The following ARHGAP19 variants were observed in gnomAD, a reference collection of about 807,000 sequenced individuals.
ARHGAP19 encodes the protein rho GTPase-activating protein 19.
ARHGAP19 carries 48 observed loss-of-function variants against 60.9 expected under a neutral mutation model. The ratio of observed to expected loss-of-function variants is 0.79; its 90% CI spans 0.62 to 1.00. The LOEUF is 1.00. Ranked by LOEUF, ARHGAP19 falls within the 50% of genes least tolerant of loss-of-function variation. ARHGAP19 has a pLI of 0.00. For missense variants in ARHGAP19, 562 were observed against 597.2 expected (o/e 0.94, Z 0.61); for synonymous variants, 209 against 215.5 (o/e 0.97, Z 0.27).
chr10:97,262,340 T>C (rs1394609600), intron 4 of ARHGAP19, among the ~76,000 whole-genome samples: 1 of 152,102 alleles, frequency 6.6e-6, no homozygotes, highest in African/African-American at 2.4e-5. Flanking sequence ...TATGTGTTTC[T>C]ATTCAGAAAA....
intron 5 of ARHGAP19, among the ~76,000 whole-genome samples, chr10:97,258,082 T>G (rs531634872): frequency 6.6e-6 from 1 of 152,178 alleles, no homozygotes; most frequent in East Asian, 1.9e-4. Flanking sequence ...ATTATTTTGA[T>G]TAAAGTTTCA....
At chr10:97,289,321 C>G (rs975259699) in intron 1 of ARHGAP19, among the ~76,000 whole-genome samples, 1 of 151,740 alleles carries the variant, frequency 6.6e-6, no homozygotes, top group Non-Finnish European at 1.5e-5. Context: ...TCACTGTGTT[C>G]CCCAGGCTGA....
intron 1 of ARHGAP19, among the ~76,000 whole-genome samples, chr10:97,282,843 T>C (rs986584919): frequency 1.5e-5 from 2 of 131,768 alleles, no homozygotes; most frequent in African/African-American, 5.3e-5. Context: ...TTTTTTCTTT[T>C]TTTTTTTTTT....
At position 97,246,291 on chromosome 10, in the gene ARHGAP19, G is replaced by A. The variant is rs775650464; in HGVS notation, c.974C>T (p.Ser325Phe). The change falls in exon 7 of 12, where the codon TCC becomes TTC. Residue 325 changes from serine (S) to phenylalanine (F), a missense_variant. Physicochemically the swap from Ser to Phe is radical, Grantham distance 155 (BLOSUM62 -2). Coordinates refer to ENST00000358531, the MANE Select transcript of ARHGAP19 (RefSeq NM_032900.6). Reference sequence around the variant, plus strand: ...TCTTACCTTTGATGCCTGAGTTCTGGATCCCAAATAGTGCAATCTCGCACA... The same window carrying A: ...TCTTACCTTTGATGCCTGAGTTCTGAATCCCAAATAGTGCAATCTCGCACA... ...RECARLHYLG[S>F]RTQASKDDLD... The A allele has an allele frequency of 1.2e-6, 2 of 1,613,754 alleles. No homozygotes were observed. Among genetic ancestry groups the A allele is most frequent in the Non-Finnish European group, 8.5e-7 (1 of 1,179,882 alleles).
At chr10:97,256,439 T>C (rs1028532676) in intron 5 of ARHGAP19, 35 bp from the exon 6 acceptor site, 5 of 1,480,608 alleles carry the variant, frequency 3.4e-6, no homozygotes, top group East Asian at 4.5e-5. Context: ...CAATGGACAT[T>C]AAGAGCTAGA....
At chr10:97,259,965 A>G (rs1185772083) in intron 4 of ARHGAP19, among the ~76,000 whole-genome samples, 1 of 151,660 alleles carries the variant, frequency 6.6e-6, no homozygotes, top group African/African-American at 2.4e-5. Context: ...CCTCCCGAGT[A>G]GCTGGGACTA....
rs371585950 is a variant in ARHGAP19 at position 97,226,137 on chromosome 10, G to A, written c.1475-5C>T. The A allele has an allele frequency of 5.4e-4, 879 of 1,613,754 alleles. 6 individuals are homozygous for A. The South Asian group carries it at 9.2e-3, about 17-fold the overall frequency. ...TCTGGATCCTTCAGAGAAATCCTAGGTTGAAGGAAAAACAAGAGCGTTAGA... is the reference window on the plus strand; with the variant it reads ...TCTGGATCCTTCAGAGAAATCCTAGATTGAAGGAAAAACAAGAGCGTTAGA... On this transcript the variant is annotated splice_region_variant and splice_polypyrimidine_tract_variant and intron_variant, in intron 11 of 11. Coordinates refer to ENST00000358531, the MANE Select transcript of ARHGAP19 (RefSeq NM_032900.6).
intron 1 of ARHGAP19, among the ~76,000 whole-genome samples, chr10:97,292,014 G>T (rs1843241382): frequency 6.6e-6 from 1 of 152,114 alleles, no homozygotes; most frequent in African/African-American, 2.4e-5. Flanking sequence ...GTCATTATCG[G>T]CTAAACTCAG....
At chr10:97,246,361 C>A in intron 6 of ARHGAP19, 24 bp from the exon 7 acceptor site, 2 of 1,581,994 alleles carry the variant, frequency 1.3e-6, no homozygotes, top group Non-Finnish European at 1.7e-6. Flanking sequence ...AAAAGAAAAC[C>A]AAAACCCAGT....
intron 1 of ARHGAP19, among the ~76,000 whole-genome samples, chr10:97,282,770 C>T (rs1227533807): frequency 1.3e-5 from 2 of 151,642 alleles, no homozygotes; most frequent in Non-Finnish European, 2.9e-5. Context: ...CCTTGTTACT[C>T]GAATCCCCAG....
intron 1 of ARHGAP19, among the ~76,000 whole-genome samples, chr10:97,269,939 T>C (rs139714046): frequency 6.6e-6 from 1 of 152,306 alleles, no homozygotes; most frequent in East Asian, 1.9e-4. Flanking sequence ...GATCAAATAC[T>C]GTACATAAGT....
chr10:97,262,881 C>T (rs1372285264), intron 4 of ARHGAP19, among the ~76,000 whole-genome samples: 1 of 152,186 alleles, frequency 6.6e-6, no homozygotes, highest in African/African-American at 2.4e-5. Flanking sequence ...TTCAGGAGGC[C>T]AAGGTGGGCA....
intron 6 of ARHGAP19, among the ~76,000 whole-genome samples, chr10:97,249,214 T>C (rs568835097): frequency 5.9e-5 from 9 of 152,262 alleles, no homozygotes; most frequent in Non-Finnish European, 1.3e-4. Context: ...TAATACCCAA[T>C]AGATTCCAGC....
At position 97,292,589 on chromosome 10, in the gene ARHGAP19, G is replaced by T; in HGVS notation, c.39C>A (p.Ala13=). 4 of 1,614,184 alleles carry T rather than the reference G, an allele frequency of 2.5e-6. No homozygotes were observed. Among genetic ancestry groups the T allele is most frequent in the South Asian group, 1.1e-5 (1 of 91,082 alleles). ...TEAQSEGEVP[A]RESGRSDAIC... ...CAGCTCACCTCCGGCCGGATTCGCG[G>T]GCTGGCACCTCCCCTTCACTCTGTG... Residue 13 remains alanine, a synonymous_variant, in exon 1 of 12, where the codon GCC becomes GCA. Transcript: ENST00000358531.
At chr10:97,272,072 C>G (rs887887879) in intron 1 of ARHGAP19, among the ~76,000 whole-genome samples, 1 of 141,930 alleles carries the variant, frequency 7.0e-6, no homozygotes, top group African/African-American at 2.6e-5. Flanking sequence ...CTTGTAATGT[C>G]TTCATTAGGT....
At chr10:97,273,173 T>C (rs11189089) in intron 1 of ARHGAP19, among the ~76,000 whole-genome samples, 1 of 152,046 alleles carries the variant, frequency 6.6e-6, no homozygotes, top group East Asian at 1.9e-4. Flanking sequence ...TTCTTTTTTT[T>C]TCTCTTTGAG....
At chr10:97,227,984 T>A (rs758770128) in intron 11 of ARHGAP19, among the ~76,000 whole-genome samples, 4 of 152,184 alleles carry the variant, frequency 2.6e-5, no homozygotes, top group Non-Finnish European at 4.4e-5. Flanking sequence ...TACAAAACAA[T>A]GTAGCCTTCA....
At chr10:97,254,914 C>T (rs1842733751) in intron 6 of ARHGAP19, among the ~76,000 whole-genome samples, 1 of 152,164 alleles carries the variant, frequency 6.6e-6, no homozygotes, top group Non-Finnish European at 1.5e-5. Context: ...TCACATGCTA[C>T]TGTGTGGATG....
intron 11 of ARHGAP19, among the ~76,000 whole-genome samples, chr10:97,226,814 G>GA (rs1408812333): frequency 1.3e-5 from 2 of 152,212 alleles, no homozygotes; most frequent in Non-Finnish European, 2.9e-5. Context: ...GTTAGCCAGA[G>GA]AAAGTTTCAA....
Sources: gnomAD v4.1 joint callset for allele counts (sites outside exome capture counted in the v4.1 genomes callset) on GRCh38, gnomAD v4.1.1 for gene constraint, MANE v1.5 for transcripts, NCBI Gene and HGNC (gene_info 2026-07-23, HGNC 2026-07-21) for gene names.